The following PAQR9 variants were observed in gnomAD, a reference collection of about 807,000 sequenced individuals.
The protein encoded by PAQR9 is membrane progestin receptor epsilon.
A neutral mutation model predicts 24.0 loss-of-function variants in PAQR9; 12 were observed. The observed-to-expected ratio is 0.50, with a 90% CI of 0.32 to 0.81. PAQR9 has a LOEUF of 0.81. Ranked by LOEUF, PAQR9 falls within the 30% of genes least tolerant of loss-of-function variation. The pLI is 0.03. For synonymous variants in PAQR9, 266 were observed against 237.6 expected, an observed-to-expected ratio of 1.12 and a Z score of -1.10; for missense variants, 418 against 520.8, an observed-to-expected ratio of 0.80 and a Z score of 1.92.
Position 142,962,814 on chromosome 3 carries a change from A to G in PAQR9, c.523T>C (p.Tyr175His). The change falls in exon 1 of 1, where the codon TAC becomes CAC. Residue 175 changes from tyrosine to histidine, a missense_variant. Tyr to His is a moderately conservative substitution (Grantham distance 83). Transcript: ENST00000340634. ...GFGSTVAYYY[Y>H]LLPGLSLLDA... ...AGCAAGCTGAGGCCTGGCAACAGGT[A>G]GTAGTAGTAGGCCACCGTGCTGCCG... The G allele has an allele frequency of 1.9e-6, 3 of 1,610,842 alleles. No individual in the cohort carries two copies. The highest frequency in any genetic ancestry group is 1.7e-6 in the Non-Finnish European group (2 of 1,178,872).
chr3:142,963,460 TAGG>T lies in PAQR9; in HGVS notation c.-127_-125del, dbSNP rs1320279389. On this transcript the variant is annotated 5_prime_UTR_variant, in exon 1 of 1. Transcript: ENST00000340634. ...CACGCCGGGGGCGTCGCTGCAGGTT[TAGG>T]AGAAGACCCGTGCCTCCGAGCAGCC... 4.4e-5 allele frequency: 46 copies of T among 1,043,038 alleles called. No homozygotes were observed. In the Admixed American group the frequency reaches 9.4e-4, roughly 21 times the overall value. 64.6% of individuals were successfully genotyped at this position (1,043,038 alleles called of 1,614,324 possible). A position where few individuals can be genotyped will look rare whatever the true frequency, so the allele number is the denominator to read the frequency against.
downstream of PAQR9, chr3:142,949,866 C>A (rs890201697): frequency 2.0e-5 from 3 of 151,978 alleles, no homozygotes; most frequent in Non-Finnish European, 4.4e-5. Context: ...TTGTAATTGC[C>A]CCACGGTTCT....
chr3:142,950,634 G>A (rs1934699799), downstream of PAQR9: 2 of 397,314 alleles, frequency 5.0e-6, no homozygotes, highest in Non-Finnish European at 1.0e-5. Flanking sequence ...AGGCTATGGG[G>A]TAACTCAGAG....
downstream of PAQR9, chr3:142,949,686 G>GAT (rs1560157097): frequency 6.6e-6 from 1 of 152,202 alleles, no homozygotes; most frequent in Non-Finnish European, 1.5e-5. Flanking sequence ...GTCAGAAACT[G>GAT]ATAGTGGACT....
chr3:142,962,764 G>A lies in PAQR9; in HGVS notation c.573C>T (p.Tyr191=), dbSNP rs1380953431. ...CGTGCCAGCCCAGGCGCTGCTGCAA[G>A]TATGGAGTCATGACTCTGGCATCCA... ...SLLDARVMTP[Y]LQQRLGWHVD... Residue 191 remains tyrosine (Y), a synonymous_variant, in exon 1 of 1, where the codon TAC becomes TAT. Coordinates refer to ENST00000340634, the MANE Select transcript of PAQR9 (RefSeq NM_198504.4). The A allele has an allele frequency of 6.2e-7, 1 of 1,612,694 alleles. No individual in the cohort carries two copies. Among genetic ancestry groups the A allele is most frequent in the East Asian group, 2.2e-5 (1 of 44,870 alleles).
Position 142,956,945 on chromosome 3 carries a change from A to G in PAQR9, c.*5258T>C, listed in dbSNP as rs762884805. Among the ~76,000 whole-genome samples the G allele has an allele frequency of 6.6e-6, 1 of 152,226 alleles. No homozygotes were observed. Among genetic ancestry groups the G allele is most frequent in the Non-Finnish European group, 1.5e-5 (1 of 68,038 alleles). ...ATAAGAAAACGTGTGGCCTCTCACA[A>G]AAGAACACAGTAGTGCTCAGCTCCA... On this transcript the variant is annotated 3_prime_UTR_variant, in exon 1 of 1. Transcript: ENST00000340634.
At chr3:142,952,141 C>T (rs1361952744), downstream of PAQR9, among the ~76,000 whole-genome samples, 1 of 151,630 alleles carries the variant, frequency 6.6e-6, no homozygotes, top group Non-Finnish European at 1.5e-5. Flanking sequence ...TTTTTAAATT[C>T]TTGTAGGAGG....
At chr3:142,950,597 C>G, downstream of PAQR9, 1 of 433,928 alleles carries the variant, frequency 2.3e-6, no homozygotes, top group South Asian at 1.6e-5. Context: ...GAAAAAGGAA[C>G]AAAAAATAAA....
Position 142,959,400 on chromosome 3 carries a change from T to TA in PAQR9, c.*2802dup, listed in dbSNP as rs1934850383. ...TTAACAAATCATCCCTGGCTTTGACTAGTGTATATGGTACCTATTTGCAAA... is the reference window on the plus strand; with the variant it reads ...TTAACAAATCATCCCTGGCTTTGACTAAGTGTATATGGTACCTATTTGCAAA... On this transcript the variant is annotated 3_prime_UTR_variant, in exon 1 of 1. Transcript: ENST00000340634. Among the ~76,000 whole-genome samples the TA allele has an allele frequency of 2.0e-5, 3 of 152,236 alleles. No individual in the cohort carries two copies. Among genetic ancestry groups the TA allele is most frequent in the African/African-American group, 7.2e-5 (3 of 41,470 alleles).
At chr3:142,951,774 A>G (rs2270768), downstream of PAQR9, 95,953 of 456,284 alleles carry the variant, frequency 0.21, 10,928 homozygotes, top group East Asian at 0.29. Flanking sequence ...CTTTGAGAAA[A>G]TTGATGTCAG....
rs1934938762 is a variant in PAQR9, at chr3:142,963,018, G to C, written c.319C>G (p.Leu107Val). ...TGGAAGGGCACGTCGCCGCCGCTCA[G>C]GAAGAACAGACGGCAGAACTTGCTC... ...FLSKFCRLFF[L>V]SGGDVPFHHP... The change falls in exon 1 of 1, where the codon CTG becomes GTG. Residue 107 changes from leucine (L) to valine (V), a missense_variant. Around this residue, in one of 3 missense-constraint regions of PAQR9, gnomAD observed 180 missense variants for 190.3 expected, o/e 0.95. Coordinates refer to ENST00000340634, the MANE Select transcript of PAQR9 (RefSeq NM_198504.4). 6.2e-7 allele frequency: 1 copy of C among 1,614,066 alleles called. No individual in the cohort carries two copies. Among genetic ancestry groups the C allele is most frequent in the East Asian group, 2.2e-5 (1 of 44,878 alleles).
In PAQR9 at chr3:142,962,011, G is replaced by A; in HGVS notation, c.*192C>T. The A allele has an allele frequency of 1.5e-6, 1 of 652,410 alleles. No homozygotes were observed. Among genetic ancestry groups the A allele is most frequent in the South Asian group, 1.9e-5 (1 of 51,354 alleles). 40.4% of individuals were successfully genotyped at this position (652,410 alleles called of 1,614,324 possible). A position where few individuals can be genotyped will look rare whatever the true frequency, so the allele number is the denominator to read the frequency against. ...ATCTCCCTCCCGCTTGACCACCCCT[G>A]CCAACCTCCCTACTTCAAAGCCTCC... On this transcript the variant is annotated 3_prime_UTR_variant, in exon 1 of 1. Coordinates refer to ENST00000340634, the MANE Select transcript of PAQR9 (RefSeq NM_198504.4).
chr3:142,954,746 T>G lies in PAQR9; in HGVS notation c.*7457A>C, dbSNP rs1934766256. The stretch of plus-strand genomic sequence containing the variant: ...ATACAACAGAAATGTGTCACATTTT[T>G]TTTTCAGCTACATGCACAGAACTGG... On this transcript the variant is annotated 3_prime_UTR_variant, in exon 1 of 1. Transcript: ENST00000340634. 6.6e-6 allele frequency among the ~76,000 whole-genome samples: 1 copy of G among 152,240 alleles called. No homozygotes were observed. The highest frequency in any genetic ancestry group is 2.1e-4 in the South Asian group (1 of 4,828).
rs1044686023 is a variant in PAQR9 at position 142,956,749 on chromosome 3, C to T, written c.*5454G>A. ...AAGGAGCCACTCTAGAACAAAAATG[C>T]CTACAAACTGGTTAGAAATCTGCAA... is the stretch of plus-strand genomic sequence containing the variant. On this transcript the variant is annotated 3_prime_UTR_variant, in exon 1 of 1. Transcript: ENST00000340634. 6.6e-6 allele frequency among the ~76,000 whole-genome samples: 1 copy of T among 152,168 alleles called. No homozygotes were observed. Among genetic ancestry groups the T allele is most frequent in the African/African-American group, 2.4e-5 (1 of 41,420 alleles).
At position 142,955,442 on chromosome 3, in the gene PAQR9, TAAAAAAAAAAAAAAAAA is replaced by T. The variant is rs150071656; in HGVS notation, c.*6744_*6760del. Among the ~76,000 whole-genome samples, 300 of 21,640 alleles carry T rather than the reference TAAAAAAAAAAAAAAAAA, an allele frequency of 0.014. 9 individuals carry two copies. The highest frequency in any genetic ancestry group is 0.032 in the African/African-American group (278 of 8,616). The allele number at this position is 21,640 out of a possible 152,430, so 14.2% of individuals were successfully genotyped here. ...GAGCGACCACATGGTCTATACAAAT[TAAAAAAAAAAAAAAAAA>T]AAAAAAAAAAAAAAAAAAGCAGCCA... is the stretch of plus-strand genomic sequence containing the variant. On this transcript the variant is annotated 3_prime_UTR_variant, in exon 1 of 1. Coordinates refer to ENST00000340634, the MANE Select transcript of PAQR9 (RefSeq NM_198504.4).
rs1364044357 is a variant in PAQR9 at position 142,963,657 on chromosome 3, A to G, written c.-321T>C. 15 of 618,586 alleles carry G rather than the reference A, an allele frequency of 2.4e-5. No homozygotes were observed. The East Asian group carries it at 4.3e-4, about 18-fold the overall frequency. 38.3% of individuals were successfully genotyped at this position (618,586 alleles called of 1,614,324 possible). On this transcript the variant is annotated 5_prime_UTR_variant, in exon 1 of 1. Coordinates refer to ENST00000340634, the MANE Select transcript of PAQR9 (RefSeq NM_198504.4). ...CGGCGGCGCGGCTGACTGCGGCGGC[A>G]GCGCGGCAGCGGTGACTGGGCATCG...
In PAQR9 at chr3:142,956,537, A is replaced by G. The variant is rs1313766903; in HGVS notation, c.*5666T>C. On this transcript the variant is annotated 3_prime_UTR_variant, in exon 1 of 1. Transcript: ENST00000340634. ...CACAATACATTGGGAAACATTCTCA[A>G]AAGCTCAAAGAGCAGGCTGTTTTTC... Among the ~76,000 whole-genome samples, 1 of 152,274 alleles carries G rather than the reference A, an allele frequency of 6.6e-6. No individual in the cohort carries two copies. Among genetic ancestry groups the G allele is most frequent in the East Asian group, 1.9e-4 (1 of 5,206 alleles).
downstream of PAQR9, among the ~76,000 whole-genome samples, chr3:142,954,072 G>A (rs958659289): frequency 2.0e-5 from 3 of 152,170 alleles, no homozygotes; most frequent in African/African-American, 7.2e-5. Context: ...CTTCATGAGA[G>A]TTTTCTGTTC....
chr3:142,952,924 C>T (rs987460321), downstream of PAQR9: 21 of 453,868 alleles, frequency 4.6e-5, no homozygotes, highest in South Asian at 7.8e-5. Flanking sequence ...AGTATGGGAA[C>T]GTGAATCTAA....
Sources: allele counts gnomAD v4.1 joint callset (sites outside exome capture counted in the v4.1 genomes callset), GRCh38; gene constraint gnomAD v4.1.1; regional missense constraint gnomAD v4.1.1; transcripts MANE v1.5; gene names NCBI Gene and HGNC (gene_info 2026-07-23, HGNC 2026-07-21).